The following PADI2 variants were observed in gnomAD, a reference collection of about 807,000 sequenced individuals.
PADI2 encodes the protein protein-arginine deiminase type-2.
Under a neutral mutation model 81.1 loss-of-function variants are expected in PADI2, and 70 were observed. The ratio of observed to expected loss-of-function variants is 0.86; its 90% CI spans 0.71 to 1.05. PADI2 has a LOEUF of 1.05. Among genes scored for constraint, PADI2 ranks in the 50% least tolerant of loss-of-function variants. The pLI is 0.00. For synonymous variants in PADI2, 338 were observed against 358.0 expected (o/e 0.94, Z 0.63); for missense variants, 853 against 889.9 (o/e 0.96, Z 0.53).
In PADI2 at chr1:17,101,813, A is replaced by C. The variant is rs2244416; in HGVS notation, c.349+1174T>G. On this transcript the variant is annotated intron_variant, in intron 3 of 15. Coordinates refer to ENST00000375486, the MANE Select transcript of PADI2 (RefSeq NM_007365.3). ...CTCACCAACCATTTTCTGGAGATGT[A>C]GCTGCAGGCAAGTATTTGTTTTACC... Among the ~76,000 whole-genome samples, 450 of 152,092 alleles carry C rather than the reference A, an allele frequency of 3.0e-3. 3 individuals carry two copies. The highest frequency in any genetic ancestry group is 0.01 in the African/African-American group (429 of 41,486).
chr1:17,106,755 T>C (rs1931388034), intron 1 of PADI2, among the ~76,000 whole-genome samples: 1 of 151,732 alleles, frequency 6.6e-6, no homozygotes. Context: ...AGGCTTCTAA[T>C]CAAATAGGAG....
chr1:17,079,627 AGTGAGAGTGAGTGTGAGAGTGAGT>A (rs1022769240), intron 10 of PADI2, among the ~76,000 whole-genome samples: 2 of 150,872 alleles, frequency 1.3e-5, no homozygotes, highest in African/African-American at 2.5e-5. Flanking sequence ...TGAGAGTGCG[AGTGAGAGTGAGTGTGAGAGTGAGT>A]GTGAGAGTGA....
intron 1 of PADI2, among the ~76,000 whole-genome samples, chr1:17,117,476 G>A (rs945913366): frequency 1.3e-5 from 2 of 152,096 alleles, no homozygotes; most frequent in Non-Finnish European, 2.9e-5. Flanking sequence ...GGTCTAGAGC[G>A]CACTGCCCCT....
chr1:17,093,453 C>A (rs1167845463), intron 5 of PADI2, 114 bp downstream of exon 5: 8 of 694,198 alleles, frequency 1.2e-5, no homozygotes, highest in Non-Finnish European at 2.6e-6. Flanking sequence ...TTTGTGTCCA[C>A]CATCCCCAGG....
chr1:17,071,809 C>T (rs968917108), intron 13 of PADI2, among the ~76,000 whole-genome samples: 20 of 152,204 alleles, frequency 1.3e-4, no homozygotes, highest in African/African-American at 4.8e-4. Context: ...CCACCTACAG[C>T]CTACTCCTAA....
At chr1:17,092,351 G>C in intron 6 of PADI2, 57 bp downstream of exon 6, 1 of 1,473,556 alleles carries the variant, frequency 6.8e-7, no homozygotes, top group South Asian at 1.3e-5. Flanking sequence ...CAACTGCTAA[G>C]GGGAGGAGGG....
At position 17,074,869 on chromosome 1, in the gene PADI2, G is replaced by C; in HGVS notation, c.1536C>G (p.Ala512=). ...GTGGCCACTCACCTTTGAACATGAT[G>C]GCCTCTCCATGGCCGTCCTTCTGCT... The part of the protein sequence containing the change: ...REKQKDGHGE[A]IMFKGLGGMS... Residue 512 remains alanine (A), a synonymous_variant, in exon 13 of 16, where the codon GCC becomes GCG. Transcript: ENST00000375486. The C allele has an allele frequency of 6.2e-7, 1 of 1,610,268 alleles. No homozygotes were observed. The highest frequency in any genetic ancestry group is 8.5e-7 in the Non-Finnish European group (1 of 1,177,396).
chr1:17,082,925 C>T, intron 9 of PADI2: 1 of 323,116 alleles, frequency 3.1e-6, no homozygotes, highest in South Asian at 4.2e-5. Context: ...GGCTGGAGTG[C>T]AGTGCCATGA....
rs1930615010 is a variant in PADI2, at chr1:17,089,751, AGCGTG to A, written c.655+2652_655+2656del. ...CTGGCTCGGTGCAAACCCCACACTGAGCGTGGCCAGCTTTCTCTGCAGGAACCAAC... is the reference window on the plus strand; with the variant it reads ...CTGGCTCGGTGCAAACCCCACACTGAGCCAGCTTTCTCTGCAGGAACCAAC... On this transcript the variant is annotated intron_variant, in intron 6 of 15. Transcript: ENST00000375486. Among the ~76,000 whole-genome samples, 3 of 152,102 alleles carry A rather than the reference AGCGTG, an allele frequency of 2.0e-5. No homozygotes were observed. In the South Asian group the frequency reaches 6.2e-4, roughly 32 times the overall value.
chr1:17,104,109 C>T (rs1172261375), intron 2 of PADI2, among the ~76,000 whole-genome samples: 2 of 145,896 alleles, frequency 1.4e-5, no homozygotes, highest in Admixed American at 7.0e-5. Context: ...GGTGAAACCC[C>T]ATCTCTACTA....
At position 17,076,626 on chromosome 1, in the gene PADI2, C is replaced by T. The variant is rs141652692; in HGVS notation, c.1311-803G>A. On this transcript the variant is annotated intron_variant, in intron 11 of 15. Transcript: ENST00000375486. ...TTGAGACAGAGTCTAACTCTGTCAC[C>T]AGTGCAGTGGCATGATCTCAGCTCA... is the stretch of plus-strand genomic sequence containing the variant. Among the ~76,000 whole-genome samples the T allele has an allele frequency of 1.9e-3, 294 of 151,610 alleles. 1 individual carries two copies. Among genetic ancestry groups the T allele is most frequent in the East Asian group, 5.1e-3 (26 of 5,138 alleles).
intron 1 of PADI2, among the ~76,000 whole-genome samples, chr1:17,118,788 C>T (rs1452552674): frequency 1.3e-5 from 2 of 152,168 alleles, no homozygotes; most frequent in African/African-American, 4.8e-5. Context: ...CCTCCAGGGC[C>T]GGATTCAGCC....
At chr1:17,075,864 C>G in intron 11 of PADI2, 41 bp from the exon 12 acceptor site, 1 of 1,598,552 alleles carries the variant, frequency 6.3e-7, no homozygotes, top group Non-Finnish European at 8.6e-7. Flanking sequence ...AATTACCCAC[C>G]GCACCAGAGG....
chr1:17,077,193 C>A (rs1399930253), intron 11 of PADI2, among the ~76,000 whole-genome samples: 4 of 152,212 alleles, frequency 2.6e-5, no homozygotes, highest in Admixed American at 6.5e-5. Flanking sequence ...AGCTAAGGCA[C>A]CCCTGTCCCC....
chr1:17,107,543 T>A (rs1452322880), intron 1 of PADI2, among the ~76,000 whole-genome samples: 1 of 152,224 alleles, frequency 6.6e-6, no homozygotes, highest in African/African-American at 2.4e-5. Flanking sequence ...GGCCCAAGAA[T>A]CTGCATTTCT....
intron 8 of PADI2, 33 bp downstream of exon 8, chr1:17,084,566 A>G: frequency 1.4e-6 from 2 of 1,426,764 alleles, no homozygotes; most frequent in Non-Finnish European, 1.9e-6. Context: ...CCACTCTGCC[A>G]CGCTGCCTCT....
chr1:17,071,167 T>C (rs546010623), intron 14 of PADI2, among the ~76,000 whole-genome samples: 3 of 152,264 alleles, frequency 2.0e-5, no homozygotes, highest in African/African-American at 7.2e-5. Context: ...CCCATGGTCC[T>C]ACCTCCCCAA....
chr1:17,081,646 C>G (rs1016899243), intron 10 of PADI2, among the ~76,000 whole-genome samples: 1 of 152,204 alleles, frequency 6.6e-6, no homozygotes, highest in Non-Finnish European at 1.5e-5. Context: ...GTTTCATGCC[C>G]TGTTCAAACC....
intron 1 of PADI2, among the ~76,000 whole-genome samples, chr1:17,117,271 G>A (rs1478585631): frequency 1.3e-5 from 2 of 151,940 alleles, no homozygotes; most frequent in Non-Finnish European, 1.5e-5. Context: ...AAAAAAGGAA[G>A]GTAAACCATT....
Sources: gnomAD v4.1 joint callset for allele counts (sites outside exome capture counted in the v4.1 genomes callset) on GRCh38, gnomAD v4.1.1 for gene constraint, MANE v1.5 for transcripts, NCBI Gene and HGNC (gene_info 2026-07-23, HGNC 2026-07-21) for gene names.